Variants in DNAJC6 observed in about 807,000 individuals in gnomAD.
The protein encoded by DNAJC6 is DnaJ heat shock protein family (Hsp40) member C6, also known as auxilin.
Under a neutral mutation model 110.0 loss-of-function variants are expected in DNAJC6, and 34 were observed. The observed-to-expected ratio is 0.31, with a 90% CI of 0.24 to 0.41. The LOEUF (loss-of-function observed/expected upper bound fraction) is 0.41. Among genes scored for constraint, DNAJC6 ranks in the 10% least tolerant of loss-of-function variants. DNAJC6 has a pLI of 1.00. For missense variants in DNAJC6, 1,031 were observed against 1,207.8 expected (o/e 0.85, Z 2.17); for synonymous variants, 406 against 437.2 (o/e 0.93, Z 0.89).
chr1:65,313,612 T>C (rs1645122190), intron 1 of DNAJC6, among the ~76,000 whole-genome samples: 2 of 152,188 alleles, frequency 1.3e-5, no homozygotes, highest in Admixed American at 1.3e-4. Flanking sequence ...AACTAAACTT[T>C]TGGGTAGACA....
intron 4 of DNAJC6, among the ~76,000 whole-genome samples, chr1:65,373,363 C>T (rs6588139): frequency 0.25 from 38,031 of 151,772 alleles, 8,266 homozygotes; most frequent in East Asian, 0.61. Flanking sequence ...TTCATACTGT[C>T]CTCTATGGTG....
At chr1:65,357,471 C>T (rs941885600) in intron 1 of DNAJC6, among the ~76,000 whole-genome samples, 2 of 152,146 alleles carry the variant, frequency 1.3e-5, no homozygotes, top group African/African-American at 2.4e-5. Context: ...GCAGTTGGTG[C>T]CAAGTGTTGG....
rs777296457 is a variant in DNAJC6 at position 65,414,364 on chromosome 1, C to T, written c.*1339C>T. Reference sequence around the variant, plus strand: ...TAGATCTCTTTTGTGTGCACATATACAATGTGCATTATACATATATATTAA... The same window carrying T: ...TAGATCTCTTTTGTGTGCACATATATAATGTGCATTATACATATATATTAA... On this transcript the variant is annotated 3_prime_UTR_variant, in exon 19 of 19. Coordinates refer to ENST00000371069, the MANE Select transcript of DNAJC6 (RefSeq NM_001256864.2). The T allele has an allele frequency of 2.6e-5, 4 of 152,582 alleles. No individual in the cohort carries two copies. Among genetic ancestry groups the T allele is most frequent in the Non-Finnish European group, 5.9e-5 (4 of 68,040 alleles). 9.5% of individuals were successfully genotyped at this position (152,582 alleles called of 1,614,324 possible). A position where few individuals can be genotyped will look rare whatever the true frequency, so the allele number is the denominator to read the frequency against.
intron 1 of DNAJC6, among the ~76,000 whole-genome samples, chr1:65,312,903 A>C (rs980051791): frequency 6.6e-6 from 1 of 150,384 alleles, no homozygotes; most frequent in African/African-American, 2.5e-5. Context: ...GGGTTCAGAC[A>C]ATTCTTGTGT....
intron 1 of DNAJC6, chr1:65,278,983 C>T (rs1047276745): frequency 3.6e-5 from 35 of 985,288 alleles, no homozygotes; most frequent in Non-Finnish European, 4.2e-5. Flanking sequence ...ATCCCCTTCC[C>T]CATGGCAGTT....
At chr1:65,362,231 A>G (rs1213184115) in intron 1 of DNAJC6, among the ~76,000 whole-genome samples, 3 of 152,172 alleles carry the variant, frequency 2.0e-5, no homozygotes, top group Admixed American at 6.5e-5. Flanking sequence ...GATCTATAAC[A>G]TAGGAATAAT....
chr1:65,323,284 C>T (rs767409878), intron 1 of DNAJC6, among the ~76,000 whole-genome samples: 10 of 152,176 alleles, frequency 6.6e-5, no homozygotes, highest in Middle Eastern at 3.2e-3. Context: ...GAGGAGGGGC[C>T]TGGTGGGAGA....
intron 11 of DNAJC6, 35 bp from the exon 12 acceptor site, chr1:65,392,396 C>T (rs1470485374): frequency 4.6e-6 from 7 of 1,522,332 alleles, no homozygotes; most frequent in Non-Finnish European, 5.3e-6. Flanking sequence ...CTGTGGTCAG[C>T]AACTAATCTC....
intron 11 of DNAJC6, among the ~76,000 whole-genome samples, chr1:65,389,962 A>C (rs563707907): frequency 6.6e-6 from 1 of 152,012 alleles, no homozygotes; most frequent in African/African-American, 2.4e-5. Flanking sequence ...GCAGTGAGCT[A>C]TGATTGCGCC....
At chr1:65,381,756 A>G (rs559586221) in intron 5 of DNAJC6, among the ~76,000 whole-genome samples, 3 of 152,310 alleles carry the variant, frequency 2.0e-5, no homozygotes, top group South Asian at 4.1e-4. Context: ...TTGGAATAAG[A>G]ACAACAACAA....
At chr1:65,324,555 C>T (rs147534192) in intron 1 of DNAJC6, among the ~76,000 whole-genome samples, 7,800 of 152,112 alleles carry the variant, frequency 0.051, 472 homozygotes, top group East Asian at 0.23. Context: ...GACGGGGTTT[C>T]ACCATCTTGG....
rs59260525 is a variant in DNAJC6, at chr1:65,267,885, GGTGTGTGT to G, written c.-131+2972_-131+2979del. On this transcript the variant is annotated intron_variant, in intron 1 of 19. Transcript: ENST00000263441. ...ACCAGATAAGTGTATGGTGTGAGGT[GGTGTGTGT>G]GTGTGTGTGTGTGTGTGTAGGTGTG... Among the ~76,000 whole-genome samples the G allele has an allele frequency of 2.0e-4, 30 of 149,356 alleles. No individual in the cohort carries two copies. In the East Asian group the frequency reaches 5.3e-3, roughly 27 times the overall value.
At chr1:65,338,114 CTCA>C (rs1645355802) in intron 1 of DNAJC6, among the ~76,000 whole-genome samples, 1 of 152,134 alleles carries the variant, frequency 6.6e-6, no homozygotes, top group African/African-American at 2.4e-5. Flanking sequence ...GTGAGGGGTG[CTCA>C]CTGCTCCTGA....
intron 1 of DNAJC6, among the ~76,000 whole-genome samples, chr1:65,349,101 TAA>T (rs58770009): frequency 1.6e-5 from 2 of 128,802 alleles, no homozygotes; most frequent in African/African-American, 2.9e-5. Flanking sequence ...AATATATATA[TAA>T]ATAAATATGT....
chr1:65,298,623 G>A (rs1644949173), intron 1 of DNAJC6: 1 of 151,658 alleles, frequency 6.6e-6, no homozygotes, highest in Non-Finnish European at 1.5e-5. Flanking sequence ...CAAAGTGTTT[G>A]TTAATTATTT....
intron 1 of DNAJC6, among the ~76,000 whole-genome samples, chr1:65,294,298 T>C (rs2477791): frequency 5.4e-4 from 82 of 152,310 alleles, no homozygotes; most frequent in African/African-American, 1.9e-3. Context: ...TTCAGGATCA[T>C]GTTGAACATC....
chr1:65,373,094 A>G lies in DNAJC6; in HGVS notation c.544-6308A>G, dbSNP rs556045601. ...TTTCTATGCTTGGGTTATTTCAGTT[A>G]TAATGGCCTCCAGTTCCATCCATGT... On this transcript the variant is annotated intron_variant, in intron 4 of 18. Coordinates refer to ENST00000371069, the MANE Select transcript of DNAJC6 (RefSeq NM_001256864.2). Among the ~76,000 whole-genome samples, 112 of 152,292 alleles carry G rather than the reference A, an allele frequency of 7.4e-4. 1 individual carries two copies. Among genetic ancestry groups the G allele is most frequent in the Admixed American group, 1.2e-3 (19 of 15,294 alleles).
intron 1 of DNAJC6, among the ~76,000 whole-genome samples, chr1:65,351,097 T>C (rs10789182): frequency 0.71 from 108,542 of 152,014 alleles, 39,919 homozygotes; most frequent in African/African-American, 0.9. Flanking sequence ...TAGTAGTTTT[T>C]GTATTTTGAT....
At chr1:65,345,359 T>G (rs967173089) in intron 1 of DNAJC6, among the ~76,000 whole-genome samples, 2 of 151,992 alleles carry the variant, frequency 1.3e-5, no homozygotes, top group African/African-American at 4.8e-5. Context: ...GCCTTCTAGG[T>G]GACAAATACT....
Sources: allele counts gnomAD v4.1 joint callset (sites outside exome capture counted in the v4.1 genomes callset), GRCh38; gene constraint gnomAD v4.1.1; transcripts MANE v1.5; gene names NCBI Gene and HGNC (gene_info 2026-07-23, HGNC 2026-07-21).